RAPGEF4: variants seen among roughly 807,000 people sequenced by gnomAD.
RAPGEF4 encodes Rap guanine nucleotide exchange factor 4, also known as RAP guanine-nucleotide-exchange factor (GEF) 4.
RAPGEF4 carries 66 observed loss-of-function variants against 147.9 expected under a neutral mutation model. That is an observed-to-expected ratio of 0.45 (90% CI 0.37 to 0.55). RAPGEF4 has a LOEUF of 0.55. Ranked by LOEUF, RAPGEF4 falls within the 20% of genes least tolerant of loss-of-function variation. The pLI is 0.00. For synonymous variants in RAPGEF4, 419 were observed against 442.7 expected, an observed-to-expected ratio of 0.95 and a Z score of 0.67; for missense variants, 1,071 against 1,257.3, an observed-to-expected ratio of 0.85 and a Z score of 2.24.
chr2:172,858,287 T>C (rs1249315814), intron 4 of RAPGEF4, among the ~76,000 whole-genome samples: 4 of 152,232 alleles, frequency 2.6e-5, no homozygotes, highest in Non-Finnish European at 5.9e-5. Context: ...ATTTTATCTT[T>C]ATGATGTATT....
At chr2:172,882,284 G>C (rs1696716201) in intron 4 of RAPGEF4, among the ~76,000 whole-genome samples, 1 of 152,094 alleles carries the variant, frequency 6.6e-6, no homozygotes, top group Non-Finnish European at 1.5e-5. Context: ...ATGGGTATCT[G>C]CCTGAAATGA....
chr2:172,978,940 G>A (rs1385982247), intron 10 of RAPGEF4, among the ~76,000 whole-genome samples: 1 of 152,196 alleles, frequency 6.6e-6, no homozygotes, highest in Non-Finnish European at 1.5e-5. Context: ...TTAGCAAGGT[G>A]CTGCTTGTTG....
At chr2:172,882,847 C>T (rs1696774162) in intron 4 of RAPGEF4, among the ~76,000 whole-genome samples, 1 of 152,124 alleles carries the variant, frequency 6.6e-6, no homozygotes, top group South Asian at 2.1e-4. Flanking sequence ...ATCCTAACTG[C>T]TGTTAGGAAG....
chr2:172,871,984 C>T lies in RAPGEF4; in HGVS notation c.445-45818C>T, dbSNP rs945184642. Among the ~76,000 whole-genome samples, 4 of 152,128 alleles carry T rather than the reference C, an allele frequency of 2.6e-5. No homozygotes were observed. The South Asian group carries it at 8.3e-4, about 32-fold the overall frequency. ...TCAAGTCTGATGTTAGGTCCAGAAT[C>T]CTTCCCATGATGTATCATCTGCCTT... On this transcript the variant is annotated intron_variant, in intron 4 of 30. Transcript: ENST00000397081.
intron 14 of RAPGEF4, among the ~76,000 whole-genome samples, chr2:172,990,059 C>G (rs140001514): frequency 6.7e-6 from 1 of 148,238 alleles, no homozygotes; most frequent in East Asian, 2.0e-4. Context: ...AAAATGTATA[C>G]CCTTGAATGA....
At chr2:172,950,309 G>A (rs1292516587) in intron 6 of RAPGEF4, among the ~76,000 whole-genome samples, 1 of 152,112 alleles carries the variant, frequency 6.6e-6, no homozygotes, top group Admixed American at 6.5e-5. Context: ...ACCCAGTGGC[G>A]GGGGCCGTGG....
chr2:172,975,130 T>G (rs1238006376), intron 10 of RAPGEF4, among the ~76,000 whole-genome samples: 1 of 152,206 alleles, frequency 6.6e-6, no homozygotes, highest in Non-Finnish European at 1.5e-5. Context: ...TGCAATATTT[T>G]TATTTGCCAA....
At chr2:172,770,553 G>GT (rs1294474044) in intron 1 of RAPGEF4, among the ~76,000 whole-genome samples, 1 of 152,164 alleles carries the variant, frequency 6.6e-6, no homozygotes, top group Non-Finnish European at 1.5e-5. Flanking sequence ...TGCTTGCTAG[G>GT]TTGTGATATA....
At chr2:172,987,478 G>A (rs1034976193) in intron 12 of RAPGEF4, among the ~76,000 whole-genome samples, 1 of 151,886 alleles carries the variant, frequency 6.6e-6, no homozygotes, top group East Asian at 1.9e-4. Flanking sequence ...TGTGTTCCAC[G>A]TTTACGAATT....
chr2:172,913,907 C>A (rs1309680136), intron 4 of RAPGEF4, among the ~76,000 whole-genome samples: 1 of 152,192 alleles, frequency 6.6e-6, no homozygotes, highest in East Asian at 1.9e-4. Flanking sequence ...CAGAGACAAT[C>A]CTGGTTACTA....
intron 4 of RAPGEF4, among the ~76,000 whole-genome samples, chr2:172,912,856 T>C (rs967232199): frequency 1.3e-5 from 2 of 151,568 alleles, no homozygotes; most frequent in Non-Finnish European, 2.9e-5. Context: ...AGGGTGAGTG[T>C]GAGTGTCTTC....
In RAPGEF4 at chr2:172,925,898, GAAGAAAGAGAGA is replaced by G. The variant is rs1319478186; in HGVS notation, c.537+3608_537+3619del. On this transcript the variant is annotated intron_variant, in intron 6 of 30. Coordinates refer to ENST00000397081, the MANE Select transcript of RAPGEF4 (RefSeq NM_007023.4). ...GGAGAAAGAAAAGAAAGGAAAGAAAGAAGAAAGAGAGAAAGAAAGAGTAAAAAAGAAAGAGGA... is the reference window on the plus strand; with the variant it reads ...GGAGAAAGAAAAGAAAGGAAAGAAAGAAGAAAGAGTAAAAAAGAAAGAGGA... 6.6e-4 allele frequency among the ~76,000 whole-genome samples: 93 copies of G among 140,766 alleles called. 1 individual carries two copies. Among genetic ancestry groups the G allele is most frequent in the African/African-American group, 2.1e-3 (81 of 38,458 alleles). The allele number at this position is 140,766 out of a possible 152,430, so 92.3% of individuals were successfully genotyped here.
chr2:172,831,265 A>ATTTTTTTTTTTTTTTTTTTTTTTTTTT (rs1491195850), intron 4 of RAPGEF4, among the ~76,000 whole-genome samples: 1 of 16,624 alleles, frequency 6.0e-5, no homozygotes, highest in Admixed American at 8.1e-4. Flanking sequence ...CAGATAGAAA[A>ATTTTTTTTTTTTTTTTTTTTTTTTTTT]CTTTTTTTTT....
At chr2:172,954,045 C>A (rs1372381731) in intron 6 of RAPGEF4, among the ~76,000 whole-genome samples, 1 of 152,112 alleles carries the variant, frequency 6.6e-6, no homozygotes, top group Non-Finnish European at 1.5e-5. Context: ...CTTTCCTTCT[C>A]CTTGCCAGAG....
chr2:172,944,002 GCAAA>G (rs1297347809), intron 6 of RAPGEF4, among the ~76,000 whole-genome samples: 2 of 152,272 alleles, frequency 1.3e-5, no homozygotes, highest in East Asian at 1.9e-4. Context: ...TATGGGATTT[GCAAA>G]CAGTCAGTCA....
chr2:172,803,439 G>T (rs993411812), intron 3 of RAPGEF4, among the ~76,000 whole-genome samples: 1 of 152,156 alleles, frequency 6.6e-6, no homozygotes, highest in Non-Finnish European at 1.5e-5. Context: ...TTTGGTCATG[G>T]CTGGAGTGGC....
At chr2:172,793,988 C>T (rs1418223863) in intron 1 of RAPGEF4, among the ~76,000 whole-genome samples, 4 of 151,844 alleles carry the variant, frequency 2.6e-5, no homozygotes, top group African/African-American at 4.8e-5. Flanking sequence ...ATTAGCTGGA[C>T]GTGGTGGAGT....
intron 4 of RAPGEF4, among the ~76,000 whole-genome samples, chr2:172,836,454 G>A (rs1200469887): frequency 6.6e-6 from 1 of 152,196 alleles, no homozygotes; most frequent in Non-Finnish European, 1.5e-5. Flanking sequence ...TCATAGCCCT[G>A]ATCTCCCATT....
At chr2:172,786,680 G>A (rs893137638) in intron 1 of RAPGEF4, among the ~76,000 whole-genome samples, 1 of 152,138 alleles carries the variant, frequency 6.6e-6, no homozygotes, top group African/African-American at 2.4e-5. Flanking sequence ...TTCGAGACCA[G>A]CCTGGGAAAT....
Sources: gnomAD v4.1 joint callset for allele counts (sites outside exome capture counted in the v4.1 genomes callset) on GRCh38, gnomAD v4.1.1 for gene constraint, MANE v1.5 for transcripts, NCBI Gene and HGNC (gene_info 2026-07-23, HGNC 2026-07-21) for gene names.